Variants in LINGO2 observed in about 807,000 individuals in gnomAD.
LINGO2 encodes the protein leucine-rich repeat and immunoglobulin-like domain-containing nogo receptor-interacting protein 2.
Under a neutral mutation model 30.6 loss-of-function variants are expected in LINGO2, and 14 were observed. That is an observed-to-expected ratio of 0.46 (90% CI 0.30 to 0.72). The LOEUF (loss-of-function observed/expected upper bound fraction) is 0.72, where lower values mean the gene tolerates loss of function less well. LINGO2 is among the 30% of genes least tolerant of loss of function. LINGO2 has a pLI of 0.07. For synonymous variants in LINGO2, 317 were observed against 288.5 expected (o/e 1.10, Z -1.00); for missense variants, 729 against 751.7 (o/e 0.97, Z 0.35).
the LINGO2 span, among the ~76,000 whole-genome samples, chr9:28,706,657 A>C: frequency 1.1e-4 from 17 of 152,094 alleles, no homozygotes; most frequent in Non-Finnish European, 1.5e-5. Context: ...TAACCTTCAC[A>C]TTGAAATCTG....
At position 28,626,265 on chromosome 9, in the gene LINGO2, C is replaced by T. The variant is rs368747382; in HGVS notation, c.-365+43935G>A. Among the ~76,000 whole-genome samples, 159 of 152,094 alleles carry T rather than the reference C, an allele frequency of 1.0e-3. 5 individuals carry two copies. The South Asian group carries it at 0.032, about 31-fold the overall frequency. On this transcript the variant is annotated intron_variant, in intron 1 of 5. Coordinates refer to ENST00000379992, the Ensembl canonical transcript of LINGO2. ...ATTTTACACATTTTCTTAAATTGGG[C>T]TATTTGTCTTCATATTGTTGAGTTG...
chr9:28,330,019 A>G (rs1018686173), intron 3 of LINGO2, among the ~76,000 whole-genome samples: 14 of 152,082 alleles, frequency 9.2e-5, no homozygotes, highest in African/African-American at 2.9e-4. Flanking sequence ...ATAACCCCCA[A>G]TGCGATAGTG....
At chr9:28,929,185 C>T in the LINGO2 span, among the ~76,000 whole-genome samples, 3 of 152,152 alleles carry the variant, frequency 2.0e-5, no homozygotes, top group Non-Finnish European at 4.4e-5. Flanking sequence ...ACGTGGGTTG[C>T]CTGCTCCACA....
the LINGO2 span, among the ~76,000 whole-genome samples, chr9:28,936,764 G>A: frequency 6.6e-6 from 1 of 152,208 alleles, no homozygotes; most frequent in Non-Finnish European, 1.5e-5. Context: ...TAAGTGGTCA[G>A]TCACATTTGA....
At chr9:28,052,458 T>G (rs1824720894) in intron 4 of LINGO2, among the ~76,000 whole-genome samples, 1 of 152,066 alleles carries the variant, frequency 6.6e-6, no homozygotes. Context: ...TTCTGGGACT[T>G]CTGGTTTTCA....
chr9:28,385,115 T>G (rs1424859839), intron 2 of LINGO2, among the ~76,000 whole-genome samples: 1 of 152,182 alleles, frequency 6.6e-6, no homozygotes, highest in Non-Finnish European at 1.5e-5. Context: ...TCTAAGTTCT[T>G]GGACGCTGAC....
At chr9:28,138,329 A>G (rs1354491868) in intron 4 of LINGO2, among the ~76,000 whole-genome samples, 1 of 152,230 alleles carries the variant, frequency 6.6e-6, no homozygotes, top group Admixed American at 6.5e-5. Flanking sequence ...TAAGAGAAGT[A>G]GCTGAAGACT....
chr9:28,638,628 T>A (rs1458435242), intron 1 of LINGO2, among the ~76,000 whole-genome samples: 1 of 152,202 alleles, frequency 6.6e-6, no homozygotes, highest in Non-Finnish European at 1.5e-5. Flanking sequence ...TAGTATTCTC[T>A]GATGGTAGTT....
the LINGO2 span, among the ~76,000 whole-genome samples, chr9:28,877,741 T>C: frequency 6.6e-6 from 1 of 152,194 alleles, no homozygotes; most frequent in Non-Finnish European, 1.5e-5. Flanking sequence ...GCAGGCTCTT[T>C]TTTGGTTCCA....
At chr9:28,885,356 T>TAC in the LINGO2 span, among the ~76,000 whole-genome samples, 2 of 132,950 alleles carry the variant, frequency 1.5e-5, no homozygotes, top group Non-Finnish European at 3.1e-5. Flanking sequence ...GAGATATATA[T>TAC]ATATACACAC....
At chr9:28,592,967 A>G (rs1824994908) in intron 1 of LINGO2, among the ~76,000 whole-genome samples, 3 of 152,072 alleles carry the variant, frequency 2.0e-5, no homozygotes, top group Admixed American at 6.6e-5. Flanking sequence ...TACAATGAAA[A>G]CTGTATCTTC....
the LINGO2 span, among the ~76,000 whole-genome samples, chr9:28,884,155 G>T: frequency 1.4e-4 from 21 of 146,920 alleles, no homozygotes; most frequent in South Asian, 8.8e-4. Context: ...AGTATAAAAA[G>T]AAATCAGGGA....
At chr9:28,960,343 C>T in the LINGO2 span, among the ~76,000 whole-genome samples, 2 of 151,708 alleles carry the variant, frequency 1.3e-5, no homozygotes, top group Non-Finnish European at 1.5e-5. Context: ...CTACAAAACA[C>T]AAAAGAATTA....
At chr9:28,003,708 G>A (rs574497783) in intron 5 of LINGO2, among the ~76,000 whole-genome samples, 91 of 152,224 alleles carry the variant, frequency 6.0e-4, no homozygotes, top group Middle Eastern at 6.8e-3. Flanking sequence ...TGATCCGCCC[G>A]CCTTGGCCTC....
At chr9:28,806,348 A>C in the LINGO2 span, among the ~76,000 whole-genome samples, 1 of 152,194 alleles carries the variant, frequency 6.6e-6, no homozygotes, top group Non-Finnish European at 1.5e-5. Flanking sequence ...CCTTGTTGCT[A>C]TCTCAGGTGT....
chr9:28,362,833 A>G (rs1031104438), intron 3 of LINGO2, among the ~76,000 whole-genome samples: 2 of 152,190 alleles, frequency 1.3e-5, no homozygotes, highest in African/African-American at 4.8e-5. Flanking sequence ...AAAATAAAAC[A>G]GTATTTTGAA....
chr9:28,111,647 TAAAATC>T (rs1014045161), intron 4 of LINGO2, among the ~76,000 whole-genome samples: 7 of 152,134 alleles, frequency 4.6e-5, no homozygotes, highest in African/African-American at 1.7e-4. Context: ...GCAAGGATCT[TAAAATC>T]AGGAAAGGGG....
chr9:28,193,883 G>C (rs927926957), intron 4 of LINGO2, among the ~76,000 whole-genome samples: 1 of 152,218 alleles, frequency 6.6e-6, no homozygotes, highest in African/African-American at 2.4e-5. Flanking sequence ...CTCTAGGCTA[G>C]TTTGGTCTCC....
At chr9:28,424,133 A>G (rs1366368537) in intron 2 of LINGO2, among the ~76,000 whole-genome samples, 1 of 152,148 alleles carries the variant, frequency 6.6e-6, no homozygotes, top group Non-Finnish European at 1.5e-5. Flanking sequence ...GATCACCTCT[A>G]TATAAGCCAT....
Sources: gnomAD v4.1 joint callset for allele counts (sites outside exome capture counted in the v4.1 genomes callset) on GRCh38, gnomAD v4.1.1 for gene constraint, MANE v1.5 for transcripts, NCBI Gene and HGNC (gene_info 2026-07-23, HGNC 2026-07-21) for gene names.